SFMBT2: variants seen among roughly 807,000 people sequenced by gnomAD.
SFMBT2 encodes scm-like with four MBT domains protein 2.
A neutral mutation model predicts 110.1 loss-of-function variants in SFMBT2; 38 were observed. The ratio of observed to expected loss-of-function variants is 0.35; its 90% CI spans 0.27 to 0.45. The LOEUF (loss-of-function observed/expected upper bound fraction) is 0.45, where lower values mean the gene tolerates loss of function less well. Among genes scored for constraint, SFMBT2 ranks in the 20% least tolerant of loss-of-function variants. SFMBT2 has a pLI of 1.00. For missense variants in SFMBT2, 1,011 were observed against 1,094.9 expected (o/e 0.92, Z 1.08); for synonymous variants, 425 against 425.4 (o/e 1.00, Z 0.01).
chr10:7,195,007 A>T lies in SFMBT2; in HGVS notation c.1698+2541T>A, dbSNP rs1323045842. Among the ~76,000 whole-genome samples, 3 of 152,252 alleles carry T rather than the reference A, an allele frequency of 2.0e-5. No homozygotes were observed. The East Asian group carries it at 5.8e-4, about 29-fold the overall frequency. On this transcript the variant is annotated intron_variant, in intron 15 of 20. Transcript: ENST00000397167. ...AACAACGGAACACGTCACGTGAAAC[A>T]GGCTTGCAGGCAGCTTCGAAGAAGC...
chr10:7,290,313 C>G (rs1480617343), intron 4 of SFMBT2, among the ~76,000 whole-genome samples: 3 of 151,052 alleles, frequency 2.0e-5, no homozygotes, highest in Admixed American at 1.3e-4. Context: ...AACATTTTTT[C>G]AAGGTTTTAC....
At chr10:7,232,315 C>A (rs1300916685) in intron 9 of SFMBT2, among the ~76,000 whole-genome samples, 1 of 152,012 alleles carries the variant, frequency 6.6e-6, no homozygotes, top group Non-Finnish European at 1.5e-5. Context: ...TAAAAAAAAA[C>A]TCCTACCCTT....
At chr10:7,173,495 A>G (rs1423529597) in intron 17 of SFMBT2, among the ~76,000 whole-genome samples, 1 of 152,242 alleles carries the variant, frequency 6.6e-6, no homozygotes, top group Non-Finnish European at 1.5e-5. Context: ...TTCCTTCTCT[A>G]TTACATCATT....
At chr10:7,197,052 A>G (rs1320065926) in intron 15 of SFMBT2, among the ~76,000 whole-genome samples, 1 of 151,978 alleles carries the variant, frequency 6.6e-6, no homozygotes, top group Non-Finnish European at 1.5e-5. Context: ...AATACTTACC[A>G]TTACCTCCCG....
intron 2 of SFMBT2, among the ~76,000 whole-genome samples, chr10:7,373,955 C>T (rs2132064402): frequency 6.6e-6 from 1 of 152,192 alleles, no homozygotes; most frequent in East Asian, 1.9e-4. Context: ...GTGACTCCTT[C>T]CTGCAAATCA....
intron 13 of SFMBT2, among the ~76,000 whole-genome samples, chr10:7,201,201 G>A (rs1838942696): frequency 6.6e-6 from 1 of 152,190 alleles, no homozygotes; most frequent in African/African-American, 2.4e-5. Flanking sequence ...TCTATGGAGT[G>A]GTTCTCCAAG....
rs773641504 is a variant in SFMBT2 at position 7,176,129 on chromosome 10, G to A, written c.1845C>T (p.Ile615=). 8.1e-6 allele frequency: 13 copies of A among 1,614,182 alleles called. No homozygotes were observed. Among genetic ancestry groups the A allele is most frequent in the Admixed American group, 5.0e-5 (3 of 60,018 alleles). The part of the protein sequence containing the change: ...RGKTYRAVVK[I]VRTSDQVANF... ...TTGCGACTTGGTCAGATGTCCGTAC[G>A]ATTTTGACCACAGCCCTGTATGTTT... Residue 615 remains isoleucine, a synonymous_variant, in exon 17 of 21, where the codon ATC becomes ATT. Transcript: ENST00000397167.
At chr10:7,274,582 T>C (rs1254008178) in intron 7 of SFMBT2, among the ~76,000 whole-genome samples, 1 of 152,220 alleles carries the variant, frequency 6.6e-6, no homozygotes, top group Non-Finnish European at 1.5e-5. Context: ...CCTTTTGCCA[T>C]GATTTTAAGT....
At chr10:7,178,491 T>C (rs1838143292) in intron 16 of SFMBT2, among the ~76,000 whole-genome samples, 1 of 152,148 alleles carries the variant, frequency 6.6e-6, no homozygotes, top group Non-Finnish European at 1.5e-5. Context: ...CATATATAAA[T>C]ATCAAGTGCA....
chr10:7,225,160 C>T (rs1588357306), intron 10 of SFMBT2, among the ~76,000 whole-genome samples: 1 of 152,170 alleles, frequency 6.6e-6, no homozygotes, highest in Non-Finnish European at 1.5e-5. Flanking sequence ...AGTTAAAATG[C>T]ATTTATCCTT....
At chr10:7,265,413 G>C (rs551453172) in intron 7 of SFMBT2, among the ~76,000 whole-genome samples, 1 of 152,136 alleles carries the variant, frequency 6.6e-6, no homozygotes, top group Admixed American at 6.5e-5. Context: ...TGTTGCCCAG[G>C]CTGGTCTAGA....
chr10:7,312,700 A>G (rs1405952915), intron 4 of SFMBT2, among the ~76,000 whole-genome samples: 13 of 152,366 alleles, frequency 8.5e-5, no homozygotes, highest in African/African-American at 2.9e-4. Flanking sequence ...GTTTATAGCT[A>G]TTAGTGATCT....
intron 7 of SFMBT2, chr10:7,249,253 C>T (rs1840721193): frequency 5.7e-6 from 1 of 174,622 alleles, no homozygotes; most frequent in Admixed American, 6.5e-5. Flanking sequence ...TAAAGGTGAG[C>T]AACACCCCAT....
chr10:7,332,086 C>A (rs1419074069), intron 4 of SFMBT2, among the ~76,000 whole-genome samples: 1 of 151,872 alleles, frequency 6.6e-6, no homozygotes, highest in Non-Finnish European at 1.5e-5. Context: ...TCATCTACCG[C>A]CGAAGTCATC....
intron 4 of SFMBT2, among the ~76,000 whole-genome samples, chr10:7,323,324 G>C (rs926240344): frequency 2.6e-5 from 4 of 151,702 alleles, no homozygotes; most frequent in African/African-American, 9.7e-5. Flanking sequence ...GGTGGCAGGT[G>C]CCTATAGTCC....
intron 4 of SFMBT2, among the ~76,000 whole-genome samples, chr10:7,286,877 C>T (rs1842106420): frequency 6.6e-6 from 1 of 151,982 alleles, no homozygotes; most frequent in Non-Finnish European, 1.5e-5. Context: ...TATGGACACC[C>T]AGGAAGTCAA....
chr10:7,233,350 A>G (rs1840164061), intron 9 of SFMBT2, among the ~76,000 whole-genome samples: 1 of 152,218 alleles, frequency 6.6e-6, no homozygotes, highest in Non-Finnish European at 1.5e-5. Context: ...CCTGACACCG[A>G]TAACACAGTG....
chr10:7,182,573 T>C lies in SFMBT2; in HGVS notation c.1808+6051A>G, dbSNP rs188949090. Reference sequence around the variant, plus strand: ...TGAGTTCATGTCCTTGGTAGGGACATGGATGAAGCTGGAAACCATCATTCT... The same window carrying C: ...TGAGTTCATGTCCTTGGTAGGGACACGGATGAAGCTGGAAACCATCATTCT... On this transcript the variant is annotated intron_variant, in intron 16 of 20. Coordinates refer to ENST00000397167, the MANE Select transcript of SFMBT2 (RefSeq NM_001387889.1). 1.3e-3 allele frequency among the ~76,000 whole-genome samples: 193 copies of C among 152,036 alleles called. 1 individual carries two copies. Among genetic ancestry groups the C allele is most frequent in the African/African-American group, 4.5e-3 (185 of 41,440 alleles).
chr10:7,278,657 T>G (rs541324619), intron 6 of SFMBT2, among the ~76,000 whole-genome samples: 1 of 152,166 alleles, frequency 6.6e-6, no homozygotes, highest in South Asian at 2.1e-4. Flanking sequence ...AAAGAAAGAA[T>G]TTGAAGACCC....
Sources: gnomAD v4.1 joint callset for allele counts (sites outside exome capture counted in the v4.1 genomes callset) on GRCh38, gnomAD v4.1.1 for gene constraint, MANE v1.5 for transcripts, NCBI Gene and HGNC (gene_info 2026-07-23, HGNC 2026-07-21) for gene names.